BRINP3: variants seen among roughly 807,000 people sequenced by gnomAD.
BRINP3 encodes BMP/retinoic acid-inducible neural-specific protein 3.
In BRINP3, 19 loss-of-function variants were observed where a neutral mutation model predicts 71.0. The observed-to-expected ratio is 0.27, with a 90% CI of 0.19 to 0.39. The LOEUF is 0.39. Among genes scored for constraint, BRINP3 ranks in the 10% least tolerant of loss-of-function variants. BRINP3 has a pLI of 1.00. For missense variants in BRINP3, 959 were observed against 940.8 expected, an observed-to-expected ratio of 1.02 and a Z score of -0.25; for synonymous variants, 380 against 337.7, an observed-to-expected ratio of 1.13 and a Z score of -1.37.
chr1:190,320,773 T>A (rs1253521626), intron 2 of BRINP3, among the ~76,000 whole-genome samples: 1 of 151,956 alleles, frequency 6.6e-6, no homozygotes, highest in African/African-American at 2.4e-5. Context: ...GAAACTGAAT[T>A]ACCTAGATAA....
At chr1:190,372,142 A>G (rs1283707770) in intron 2 of BRINP3, among the ~76,000 whole-genome samples, 3 of 152,150 alleles carry the variant, frequency 2.0e-5, no homozygotes, top group Non-Finnish European at 2.9e-5. Context: ...ACACAACAGT[A>G]ATCCAGACCT....
chr1:190,119,883 A>G (rs1197262789), intron 7 of BRINP3, among the ~76,000 whole-genome samples: 1 of 152,026 alleles, frequency 6.6e-6, no homozygotes, highest in African/African-American at 2.4e-5. Flanking sequence ...ACTGCAGGCT[A>G]CTCCTCACAG....
chr1:190,200,443 C>T (rs1403269732), intron 6 of BRINP3, among the ~76,000 whole-genome samples: 1 of 152,102 alleles, frequency 6.6e-6, no homozygotes, highest in African/African-American at 2.4e-5. Flanking sequence ...AAGCAGACTA[C>T]ACAAATGGAT....
At chr1:190,266,657 C>T (rs980309136) in intron 3 of BRINP3, among the ~76,000 whole-genome samples, 1 of 152,046 alleles carries the variant, frequency 6.6e-6, no homozygotes, top group Non-Finnish European at 1.5e-5. Context: ...AAAAGATCAA[C>T]AGGTGAGGAA....
chr1:190,224,167 T>C (rs1307851319), intron 6 of BRINP3, among the ~76,000 whole-genome samples: 1 of 151,478 alleles, frequency 6.6e-6, no homozygotes, highest in East Asian at 1.9e-4. Context: ...CATCAAAAGA[T>C]ACCCAAATAA....
intron 6 of BRINP3, among the ~76,000 whole-genome samples, chr1:190,206,573 C>T (rs143782270): frequency 1.3e-5 from 2 of 152,010 alleles, no homozygotes; most frequent in African/African-American, 4.8e-5. Flanking sequence ...CCTCACAACT[C>T]GATATTAATG....
intron 6 of BRINP3, among the ~76,000 whole-genome samples, chr1:190,163,330 C>T (rs892225634): frequency 6.6e-6 from 1 of 151,960 alleles, no homozygotes; most frequent in Non-Finnish European, 1.5e-5. Flanking sequence ...TTTGGGGATA[C>T]ATAAATAAGC....
chr1:190,371,900 C>T (rs1669892552), intron 2 of BRINP3, among the ~76,000 whole-genome samples: 1 of 152,102 alleles, frequency 6.6e-6, no homozygotes. Flanking sequence ...TCTGTACAAC[C>T]AGTACTATTA....
chr1:190,222,324 A>G (rs772370486), intron 6 of BRINP3, among the ~76,000 whole-genome samples: 29 of 151,970 alleles, frequency 1.9e-4, no homozygotes, highest in Admixed American at 3.9e-4. Context: ...TAATGAGTCA[A>G]TTAAAAAAAT....
intron 4 of BRINP3, among the ~76,000 whole-genome samples, chr1:190,240,367 A>G (rs1658946454): frequency 6.6e-6 from 1 of 152,138 alleles, no homozygotes; most frequent in Non-Finnish European, 1.5e-5. Flanking sequence ...TTAAATTTAT[A>G]TAGTTTATAT....
At chr1:190,335,759 T>C (rs532474102) in intron 2 of BRINP3, among the ~76,000 whole-genome samples, 1 of 152,002 alleles carries the variant, frequency 6.6e-6, no homozygotes, top group Admixed American at 6.6e-5. Flanking sequence ...ACAATGGAGA[T>C]TTTAAAGTCT....
chr1:190,218,797 G>A (rs1374506584), intron 6 of BRINP3, among the ~76,000 whole-genome samples: 1 of 151,390 alleles, frequency 6.6e-6, no homozygotes, highest in Non-Finnish European at 1.5e-5. Context: ...TGTTTTTAAT[G>A]CTCTATTTTG....
chr1:190,194,795 T>C (rs1654335908), intron 6 of BRINP3, among the ~76,000 whole-genome samples: 2 of 152,058 alleles, frequency 1.3e-5, no homozygotes, highest in African/African-American at 4.8e-5. Context: ...GTATGGATTT[T>C]TAATAAGAAA....
At chr1:190,329,917 G>A (rs1666855212) in intron 2 of BRINP3, among the ~76,000 whole-genome samples, 1 of 151,798 alleles carries the variant, frequency 6.6e-6, no homozygotes, top group African/African-American at 2.4e-5. Flanking sequence ...ATGGTGCTGG[G>A]ACACCTGGCT....
intron 6 of BRINP3, among the ~76,000 whole-genome samples, chr1:190,193,590 A>G (rs1640427964): frequency 6.6e-6 from 1 of 152,138 alleles, no homozygotes; most frequent in Non-Finnish European, 1.5e-5. Context: ...AGATGTGATT[A>G]AGTTAAGGAT....
intron 2 of BRINP3, among the ~76,000 whole-genome samples, chr1:190,353,209 T>C (rs1668512098): frequency 1.3e-5 from 2 of 152,014 alleles, no homozygotes; most frequent in South Asian, 4.1e-4. Flanking sequence ...AAAACTATAG[T>C]AATCTGAGAA....
At chr1:190,262,402 A>G (rs1661263371) in intron 4 of BRINP3, among the ~76,000 whole-genome samples, 1 of 152,110 alleles carries the variant, frequency 6.6e-6, no homozygotes, top group Non-Finnish European at 1.5e-5. Flanking sequence ...ACTCCCTATG[A>G]ATTTCCATGC....
intron 2 of BRINP3, among the ~76,000 whole-genome samples, chr1:190,437,201 C>T (rs12091129): frequency 0.19 from 29,483 of 151,486 alleles, 2,966 homozygotes; most frequent in African/African-American, 0.24. Flanking sequence ...TGAAAATACC[C>T]GGTTTCTAGT....
At chr1:190,119,490 G>A (rs1190459695) in intron 7 of BRINP3, among the ~76,000 whole-genome samples, 1 of 152,060 alleles carries the variant, frequency 6.6e-6, no homozygotes, top group Non-Finnish European at 1.5e-5. Context: ...TGGTCGGGGG[G>A]TCTTGAAAGT....
Sources: gnomAD v4.1 joint callset for allele counts (sites outside exome capture counted in the v4.1 genomes callset) on GRCh38, gnomAD v4.1.1 for gene constraint, MANE v1.5 for transcripts, NCBI Gene and HGNC (gene_info 2026-07-23, HGNC 2026-07-21) for gene names.